RSU1: variants seen among roughly 807,000 people sequenced by gnomAD.
RSU1 encodes the protein Ras suppressor protein 1.
A neutral mutation model predicts 31.1 loss-of-function variants in RSU1; 26 were observed. That is an observed-to-expected ratio of 0.84 (90% confidence interval 0.61 to 1.16). RSU1 has a LOEUF of 1.16. Ranked by LOEUF, RSU1 falls within the 50% of genes most tolerant of loss-of-function variation. The pLI is 0.00. For missense variants in RSU1, 320 were observed against 339.1 expected, an observed-to-expected ratio of 0.94 and a Z score of 0.44; for synonymous variants, 164 against 136.3, an observed-to-expected ratio of 1.20 and a Z score of -1.41.
At chr10:16,806,969 G>T (rs1465564853) in intron 2 of RSU1, among the ~76,000 whole-genome samples, 4 of 152,174 alleles carry the variant, frequency 2.6e-5, no homozygotes, top group Non-Finnish European at 5.9e-5. Flanking sequence ...GGCCAGGGTG[G>T]TCTCAAACTC....
At chr10:16,631,484 A>G (rs577469566) in intron 8 of RSU1, among the ~76,000 whole-genome samples, 94 of 152,316 alleles carry the variant, frequency 6.2e-4, no homozygotes, top group African/African-American at 2.2e-3. Flanking sequence ...CATGGGGGAA[A>G]AAATAATCAC....
At chr10:16,635,624 T>C (rs1834332622) in intron 8 of RSU1, among the ~76,000 whole-genome samples, 1 of 152,244 alleles carries the variant, frequency 6.6e-6, no homozygotes. Context: ...TCCTATCTCC[T>C]ACCTCATTGT....
rs189306764 is a variant in RSU1, at chr10:16,597,515, G to A, written c.732-4019C>T. 5.3e-5 allele frequency among the ~76,000 whole-genome samples: 8 copies of A among 152,236 alleles called. No individual in the cohort carries two copies. The East Asian group carries it at 1.4e-3, about 26-fold the overall frequency. On this transcript the variant is annotated intron_variant, in intron 8 of 8. Transcript: ENST00000345264. ...CAGCAATGTTTGCCTCCCTCTCCGT[G>A]CCTCAGTTTCTTTATCTGTAAGCTA... is the stretch of plus-strand genomic sequence containing the variant.
intron 8 of RSU1, among the ~76,000 whole-genome samples, chr10:16,675,146 C>T (rs117265423): frequency 1.4e-5 from 2 of 140,944 alleles, no homozygotes; most frequent in African/African-American, 5.3e-5. Context: ...GCGGAGGTTG[C>T]GGTGAGATTG....
At chr10:16,692,566 T>C (rs549566819) in intron 8 of RSU1, among the ~76,000 whole-genome samples, 4 of 152,262 alleles carry the variant, frequency 2.6e-5, no homozygotes, top group African/African-American at 9.6e-5. Flanking sequence ...AAGCTCTAAA[T>C]AGCTTCCTGT....
chr10:16,738,871 C>CT, intron 7 of RSU1, among the ~76,000 whole-genome samples: 2 of 151,886 alleles, frequency 1.3e-5, no homozygotes, highest in East Asian at 3.9e-4. Context: ...CCCCCCACCC[C>CT]CCCAGCGGAC....
At chr10:16,640,521 A>T (rs1026017056) in intron 8 of RSU1, among the ~76,000 whole-genome samples, 1 of 152,248 alleles carries the variant, frequency 6.6e-6, no homozygotes, top group Non-Finnish European at 1.5e-5. Context: ...AAAATCCTGA[A>T]CATGGGCCAC....
chr10:16,743,045 T>A (rs1011826702), intron 7 of RSU1, among the ~76,000 whole-genome samples: 1 of 152,246 alleles, frequency 6.6e-6, no homozygotes, highest in Non-Finnish European at 1.5e-5. Flanking sequence ...GGATATGGTA[T>A]GATTTTTTGT....
intron 2 of RSU1, among the ~76,000 whole-genome samples, chr10:16,804,042 C>T (rs1422490745): frequency 2.0e-5 from 3 of 151,944 alleles, no homozygotes; most frequent in East Asian, 3.8e-4. Flanking sequence ...GAAAGACCAG[C>T]GCCAACAAGG....
Position 16,789,545 on chromosome 10 carries a change from G to A in RSU1, c.110-7461C>T, listed in dbSNP as rs576441143. On this transcript the variant is annotated intron_variant, in intron 2 of 8. Coordinates refer to ENST00000345264, the MANE Select transcript of RSU1 (RefSeq NM_012425.4). The stretch of plus-strand genomic sequence containing the variant: ...TCCACTCGGGAATGGTGAGTTCACT[G>A]TGAGTCTTGTATGGAAACTGAGCTG... Among the ~76,000 whole-genome samples, 4 of 152,294 alleles carry A rather than the reference G, an allele frequency of 2.6e-5. No homozygotes were observed. The South Asian group carries it at 8.3e-4, about 32-fold the overall frequency.
At chr10:16,660,225 G>T (rs1174047228) in intron 8 of RSU1, among the ~76,000 whole-genome samples, 2 of 152,198 alleles carry the variant, frequency 1.3e-5, no homozygotes, top group African/African-American at 4.8e-5. Flanking sequence ...AAGCTCAGGT[G>T]TCTTTGGGCA....
intron 7 of RSU1, among the ~76,000 whole-genome samples, chr10:16,749,775 G>A (rs1301265996): frequency 6.6e-6 from 1 of 152,220 alleles, no homozygotes; most frequent in African/African-American, 2.4e-5. Flanking sequence ...TTGCTCACAT[G>A]CCGGCAAAGC....
intron 4 of RSU1, among the ~76,000 whole-genome samples, chr10:16,761,554 G>A (rs559553048): frequency 1.3e-5 from 2 of 152,252 alleles, no homozygotes; most frequent in East Asian, 3.9e-4. Context: ...AGTGCTGTGA[G>A]CGTTTAAATA....
intron 8 of RSU1, among the ~76,000 whole-genome samples, chr10:16,685,018 T>G (rs1246375211): frequency 2.0e-5 from 3 of 152,038 alleles, no homozygotes; most frequent in African/African-American, 7.2e-5. Flanking sequence ...GAGGCTGAGG[T>G]GAGCGGATCA....
chr10:16,646,277 G>A (rs1379802201), intron 8 of RSU1, among the ~76,000 whole-genome samples: 1 of 152,018 alleles, frequency 6.6e-6, no homozygotes, highest in Non-Finnish European at 1.5e-5. Context: ...AAAGACACCA[G>A]GTCAGGAACG....
chr10:16,668,763 G>A (rs1309354300), intron 8 of RSU1, among the ~76,000 whole-genome samples: 1 of 151,932 alleles, frequency 6.6e-6, no homozygotes, highest in African/African-American at 2.4e-5. Context: ...ATAAAAGGAG[G>A]CACACTGCAG....
At chr10:16,720,177 T>C (rs1177701246) in intron 7 of RSU1, among the ~76,000 whole-genome samples, 2 of 152,192 alleles carry the variant, frequency 1.3e-5, no homozygotes, top group Admixed American at 1.3e-4. Context: ...TAAAGAAACA[T>C]GACAGTGGCA....
intron 2 of RSU1, among the ~76,000 whole-genome samples, chr10:16,783,364 C>CTTTTTTTTTTG (rs1837698558): frequency 7.6e-6 from 1 of 132,072 alleles, no homozygotes; most frequent in Non-Finnish European, 1.6e-5. Flanking sequence ...ACAACTTTTG[C>CTTTTTTTTTTG]TTTTTTTTTT....
chr10:16,789,705 T>C (rs1837872078), intron 2 of RSU1, among the ~76,000 whole-genome samples: 1 of 152,252 alleles, frequency 6.6e-6, no homozygotes, highest in African/African-American at 2.4e-5. Flanking sequence ...TTGCTGACCG[T>C]AATCACACCT....
Sources: allele counts gnomAD v4.1 joint callset (sites outside exome capture counted in the v4.1 genomes callset), GRCh38; gene constraint gnomAD v4.1.1; transcripts MANE v1.5; gene names NCBI Gene and HGNC (gene_info 2026-07-23, HGNC 2026-07-21).